STPG2: variants seen among roughly 807,000 people sequenced by gnomAD.
STPG2 encodes the protein sperm tail PG-rich repeat containing 2, also known as sperm-tail PG-rich repeat-containing protein 2.
In STPG2, 56 loss-of-function variants were observed where a neutral mutation model predicts 54.2. The ratio of observed to expected loss-of-function variants is 1.03; its 90% CI spans 0.83 to 1.29. The LOEUF is 1.29. STPG2 is among the 50% of genes most tolerant of loss of function. The pLI is 0.00. For synonymous variants in STPG2, 200 were observed against 181.8 expected (o/e 1.10, Z -0.81); for missense variants, 596 against 544.9 (o/e 1.09, Z -0.93).
chr4:97,998,013 A>G (rs1018450595), intron 5 of STPG2, among the ~76,000 whole-genome samples: 1 of 152,220 alleles, frequency 6.6e-6, no homozygotes, highest in African/African-American at 2.4e-5. Context: ...CACCAGTAAA[A>G]AGGCTATTTC....
At chr4:97,862,916 A>G (rs539573910) in intron 8 of STPG2, among the ~76,000 whole-genome samples, 2 of 152,314 alleles carry the variant, frequency 1.3e-5, no homozygotes, top group African/African-American at 2.4e-5. Flanking sequence ...AAGACACAAC[A>G]TACCAGAATC....
intron 3 of STPG2, among the ~76,000 whole-genome samples, chr4:98,116,749 T>C (rs1449922102): frequency 6.6e-6 from 1 of 151,926 alleles, no homozygotes; most frequent in Non-Finnish European, 1.5e-5. Context: ...TGAAATATTC[T>C]TGAGACAAAA....
At chr4:97,742,909 T>C (rs1725308893) in intron 9 of STPG2, among the ~76,000 whole-genome samples, 1 of 151,570 alleles carries the variant, frequency 6.6e-6, no homozygotes, top group Non-Finnish European at 1.5e-5. Context: ...TTTTAGTGGT[T>C]CTTATAACAC....
intron 5 of STPG2, among the ~76,000 whole-genome samples, chr4:98,013,074 A>G (rs1735808841): frequency 6.6e-6 from 1 of 152,164 alleles, no homozygotes; most frequent in Non-Finnish European, 1.5e-5. Context: ...TCAGTATGAT[A>G]CTGGCTGTTG....
At chr4:97,773,867 A>G (rs1171441241) in intron 9 of STPG2, among the ~76,000 whole-genome samples, 2 of 152,036 alleles carry the variant, frequency 1.3e-5, no homozygotes, top group South Asian at 2.1e-4. Context: ...AAATATCAGA[A>G]AGCTTGGCAT....
intron 6 of STPG2, among the ~76,000 whole-genome samples, chr4:97,975,606 C>T (rs1734472475): frequency 6.6e-6 from 1 of 152,014 alleles, no homozygotes; most frequent in Admixed American, 6.6e-5. Context: ...TTTAAAAAAT[C>T]AATTCTAGTG....
At chr4:97,614,242 TC>T (rs1733803488) in intron 10 of STPG2, among the ~76,000 whole-genome samples, 1 of 152,082 alleles carries the variant, frequency 6.6e-6, no homozygotes, top group South Asian at 2.1e-4. Context: ...TTTAACCATG[TC>T]ATTGCAGTAT....
intron 5 of STPG2, among the ~76,000 whole-genome samples, chr4:98,069,578 G>A (rs13124127): frequency 0.39 from 59,569 of 151,698 alleles, 11,985 homozygotes; most frequent in Middle Eastern, 0.46. Context: ...AGGCAAAAAC[G>A]TGTGCTGCTT....
intron 4 of STPG2, among the ~76,000 whole-genome samples, chr4:97,509,385 G>C (rs910602882): frequency 1.3e-5 from 2 of 151,964 alleles, no homozygotes; most frequent in Non-Finnish European, 2.9e-5. Context: ...GACAACTGAC[G>C]TTCTAAATTT....
chr4:98,040,522 C>T (rs1200288240), intron 5 of STPG2, among the ~76,000 whole-genome samples: 1 of 151,720 alleles, frequency 6.6e-6, no homozygotes, highest in Non-Finnish European at 1.5e-5. Context: ...GGTCCAATTT[C>T]ACTCTTTTAG....
At chr4:97,478,772 T>A (rs1191838038) in intron 4 of STPG2, among the ~76,000 whole-genome samples, 3 of 151,954 alleles carry the variant, frequency 2.0e-5, no homozygotes, top group African/African-American at 7.2e-5. Context: ...AAGGGCTTGT[T>A]AACTGTATCG....
chr4:97,741,814 C>T, intron 9 of STPG2, among the ~76,000 whole-genome samples: 1 of 151,996 alleles, frequency 6.6e-6, no homozygotes, highest in Non-Finnish European at 1.5e-5. Flanking sequence ...GGCGATTCCT[C>T]AGGGATCTAG....
chr4:98,100,248 T>C (rs1289122378), intron 5 of STPG2, among the ~76,000 whole-genome samples: 2 of 152,198 alleles, frequency 1.3e-5, no homozygotes, highest in African/African-American at 2.4e-5. Context: ...TTACTAAACA[T>C]AGGTACCTCA....
At chr4:97,799,018 T>C (rs1236046559) in intron 9 of STPG2, among the ~76,000 whole-genome samples, 1 of 104,616 alleles carries the variant, frequency 9.6e-6, no homozygotes, top group Non-Finnish European at 1.9e-5. Context: ...CTGCCTTTTT[T>C]TGTTTTCCAT....
intron 10 of STPG2, among the ~76,000 whole-genome samples, chr4:97,631,837 T>C (rs1266963444): frequency 6.6e-6 from 1 of 152,082 alleles, no homozygotes; most frequent in African/African-American, 2.4e-5. Flanking sequence ...AATGCAAGGG[T>C]ATGTGCTGTG....
intron 2 of STPG2, among the ~76,000 whole-genome samples, chr4:98,132,735 G>A (rs547438092): frequency 6.6e-6 from 1 of 151,884 alleles, no homozygotes; most frequent in Admixed American, 6.6e-5. Context: ...TATTGACTGA[G>A]GATATAGTTC....
intron 4 of STPG2, among the ~76,000 whole-genome samples, chr4:97,442,223 T>A (rs1729105198): frequency 1.3e-5 from 2 of 150,982 alleles, no homozygotes; most frequent in Non-Finnish European, 2.9e-5. Flanking sequence ...ACATGTTTTT[T>A]TTTGTTTTTT....
rs752773460 is a variant in STPG2 at position 97,972,492 on chromosome 4, C to A, written c.773-52G>T. ...AAGAATAAGCATGCTTTTATATGCA[C>A]CTTTTGAACTGAGTAATTTTTAATT... On this transcript the variant is annotated intron_variant, in intron 6 of 10. Coordinates refer to ENST00000295268, the MANE Select transcript of STPG2 (RefSeq NM_174952.3). 5.7e-6 allele frequency: 6 copies of A among 1,059,310 alleles called. No homozygotes were observed. In the Admixed American group the frequency reaches 9.2e-5, roughly 16 times the overall value. The allele number at this position is 1,059,310 out of a possible 1,614,324, so 65.6% of individuals were successfully genotyped here.
intron 7 of STPG2, among the ~76,000 whole-genome samples, chr4:97,966,444 C>G (rs940143405): frequency 7.9e-5 from 12 of 152,308 alleles, no homozygotes; most frequent in African/African-American, 2.6e-4. Flanking sequence ...AGCTGGAAAA[C>G]ACTCTTCACA....
Sources: gnomAD v4.1 joint callset for allele counts (sites outside exome capture counted in the v4.1 genomes callset) on GRCh38, gnomAD v4.1.1 for gene constraint, MANE v1.5 for transcripts, NCBI Gene and HGNC (gene_info 2026-07-23, HGNC 2026-07-21) for gene names.